The following EEA1 variants were observed in gnomAD, a reference collection of about 807,000 sequenced individuals.
The protein encoded by EEA1 is early endosome antigen 1, 162kD.
EEA1 carries 111 observed loss-of-function variants against 209.2 expected under a neutral mutation model. The ratio of observed to expected loss-of-function variants is 0.53; its 90% CI spans 0.45 to 0.62. The LOEUF (loss-of-function observed/expected upper bound fraction) is 0.62. EEA1 is among the 20% of genes least tolerant of loss of function. The pLI is 0.00. For synonymous variants in EEA1, 536 were observed against 540.6 expected (o/e 0.99, Z 0.12); for missense variants, 1,343 against 1,530.8 (o/e 0.88, Z 2.05).
At chr12:92,910,086 T>C (rs959157042) in intron 1 of EEA1, among the ~76,000 whole-genome samples, 3 of 151,916 alleles carry the variant, frequency 2.0e-5, no homozygotes, top group Admixed American at 6.6e-5. Context: ...GAGGTTGCAG[T>C]GAGCCAAGAT....
intron 27 of EEA1, 25 bp from the exon 28 acceptor site, chr12:92,776,967 T>C (rs1443850955): frequency 1.3e-6 from 2 of 1,597,130 alleles, no homozygotes; most frequent in South Asian, 2.2e-5. Flanking sequence ...AGTATCGATA[T>C]ATTATAGTAT....
Position 92,826,199 on chromosome 12 carries a change from C to A in EEA1, c.1491G>T (p.Gln497His), listed in dbSNP as rs774329777. ...KQQHQEQQAL[Q>H]QSTTAKLREA... ...CTCGAAGTTTTGCCGTGGTGCTTTGCTGAAGAGCCTGTTGTTCTTGATGCT... is the reference window on the plus strand; with the variant it reads ...CTCGAAGTTTTGCCGTGGTGCTTTGATGAAGAGCCTGTTGTTCTTGATGCT... Residue 497 changes from glutamine (Q) to histidine (H), a missense_variant, in exon 13 of 29, where the codon CAG (glutamine) becomes CAT (histidine). By Grantham distance (24) the Gln-to-His change is conservative. Transcript: ENST00000322349. 1 of 1,613,492 alleles carries A rather than the reference C, an allele frequency of 6.2e-7. No homozygotes were observed. The highest frequency in any genetic ancestry group is 1.1e-5 in the South Asian group (1 of 91,068).
rs1413170424 is a variant in EEA1 at position 92,857,256 on chromosome 12, A to T, written c.366+19T>A. 1 of 1,553,796 alleles carries T rather than the reference A, an allele frequency of 6.4e-7. No homozygotes were observed. Among genetic ancestry groups the T allele is most frequent in the East Asian group, 2.3e-5 (1 of 43,912 alleles). Reference sequence around the variant, plus strand: ...ATAAACAACTAATAAACATGCTTTAAGTAGTTAAAAGCAATTACTTGCTGC... The same window carrying T: ...ATAAACAACTAATAAACATGCTTTATGTAGTTAAAAGCAATTACTTGCTGC... On this transcript the variant is annotated intron_variant, in intron 5 of 28. Transcript: ENST00000322349.
intron 1 of EEA1, among the ~76,000 whole-genome samples, chr12:92,911,618 C>T (rs1812328187): frequency 6.6e-6 from 1 of 152,188 alleles, no homozygotes; most frequent in Non-Finnish European, 1.5e-5. Flanking sequence ...GTGAACCCTA[C>T]TGTAAACTGC....
Position 92,776,144 on chromosome 12 carries a change from C to G in EEA1, c.4114-11G>C. 3 of 1,594,456 alleles carry G rather than the reference C, an allele frequency of 1.9e-6. No individual in the cohort carries two copies. The highest frequency in any genetic ancestry group is 2.6e-6 in the Non-Finnish European group (3 of 1,170,268). ...CTGTCGGCAGTGATGCTGTAAATGA[C>G]AAAAATTAAACAATTTCAAGAATAA... On this transcript the variant is annotated splice_polypyrimidine_tract_variant and intron_variant, in intron 28 of 28. Transcript: ENST00000322349.
chr12:92,809,995 G>A (rs1875415544), intron 17 of EEA1, among the ~76,000 whole-genome samples: 1 of 152,128 alleles, frequency 6.6e-6, no homozygotes, highest in African/African-American at 2.4e-5. Context: ...TCTTGGACTA[G>A]ATGACATTGT....
intron 18 of EEA1, 125 bp downstream of exon 18, chr12:92,808,892 C>T: frequency 1.3e-6 from 1 of 767,508 alleles, no homozygotes. Context: ...TTTATAAAAT[C>T]AACACAAAAT....
intron 24 of EEA1, among the ~76,000 whole-genome samples, chr12:92,779,851 C>T (rs1014749931): frequency 1.3e-5 from 2 of 150,562 alleles, no homozygotes; most frequent in African/African-American, 4.9e-5. Flanking sequence ...CAATGGGTAC[C>T]CTATCTATGC....
intron 1 of EEA1, among the ~76,000 whole-genome samples, chr12:92,917,415 C>A (rs1390740620): frequency 3.4e-5 from 5 of 149,116 alleles, no homozygotes; most frequent in African/African-American, 1.2e-4. Flanking sequence ...ACCCTACAAG[C>A]CAGAAGAGAG....
At chr12:92,829,587 T>C (rs960900273) in intron 11 of EEA1, among the ~76,000 whole-genome samples, 2 of 151,944 alleles carry the variant, frequency 1.3e-5, no homozygotes, top group Non-Finnish European at 2.9e-5. Context: ...GAGACCAGCC[T>C]GGGCAACATG....
intron 23 of EEA1, among the ~76,000 whole-genome samples, chr12:92,780,644 T>A (rs1329244895): frequency 6.6e-6 from 1 of 152,164 alleles, no homozygotes; most frequent in Non-Finnish European, 1.5e-5. Flanking sequence ...TGAGATAAAT[T>A]GTACCTGGTC....
intron 1 of EEA1, among the ~76,000 whole-genome samples, chr12:92,915,070 A>G (rs1399507139): frequency 6.6e-6 from 1 of 152,232 alleles, no homozygotes; most frequent in Non-Finnish European, 1.5e-5. Context: ...AATAATAAAT[A>G]TAAAATGTTT....
intron 21 of EEA1, 129 bp from the exon 22 acceptor site, chr12:92,788,178 T>TAC (rs1874225287): frequency 5.1e-6 from 3 of 584,494 alleles, no homozygotes; most frequent in Non-Finnish European, 7.8e-6. Flanking sequence ...CCCAAATTTC[T>TAC]ACCTCAATAG....
rs1019227810 is a variant in EEA1 at position 92,900,064 on chromosome 12, C to CT, written c.25-8344dup. On this transcript the variant is annotated intron_variant, in intron 1 of 28. Coordinates refer to ENST00000322349, the MANE Select transcript of EEA1 (RefSeq NM_003566.4). ...GATTCCTAAAGTCTGTCACTGAGGACTTTTTTTTTAAAACCTACTATGCTG... is the reference window on the plus strand; with the variant it reads ...GATTCCTAAAGTCTGTCACTGAGGACTTTTTTTTTTAAAACCTACTATGCTG... Among the ~76,000 whole-genome samples, 4 of 151,482 alleles carry CT rather than the reference C, an allele frequency of 2.6e-5. No homozygotes were observed. In the East Asian group the frequency reaches 5.8e-4, roughly 22 times the overall value.
At chr12:92,848,676 T>C (rs1386334290) in intron 9 of EEA1, among the ~76,000 whole-genome samples, 4 of 151,654 alleles carry the variant, frequency 2.6e-5, no homozygotes, top group African/African-American at 9.7e-5. Flanking sequence ...CTCCTAAATG[T>C]TACTTAGAAA....
intron 18 of EEA1, among the ~76,000 whole-genome samples, chr12:92,807,008 C>G (rs1875243858): frequency 6.6e-6 from 1 of 151,664 alleles, no homozygotes; most frequent in Non-Finnish European, 1.5e-5. Flanking sequence ...CACTGGAGTG[C>G]AGTGGCATGA....
intron 10 of EEA1, 121 bp downstream of exon 10, chr12:92,842,344 A>T: frequency 1.8e-6 from 1 of 561,024 alleles, no homozygotes; most frequent in Non-Finnish European, 3.1e-6. Context: ...AACATATTAA[A>T]CACTAAAAAA....
chr12:92,811,366 G>A lies in EEA1; in HGVS notation c.2112C>T (p.Cys704=). 13 of 1,606,122 alleles carry A rather than the reference G, an allele frequency of 8.1e-6. No homozygotes were observed. The highest frequency in any genetic ancestry group is 1.0e-5 in the Non-Finnish European group (12 of 1,176,554). The change falls in exon 17 of 29, where the codon TGC becomes TGT. Residue 704 remains cysteine (C), a synonymous_variant. Coordinates refer to ENST00000322349, the MANE Select transcript of EEA1 (RefSeq NM_003566.4). ...TAKLQDKQEH[C]SQLESHLKEY... ...CTTTAAGATGACTTTCCAGCTGACT[G>A]CAATGTTCTTGCTTGTCTTGTAACT...
rs777203104 is a variant in EEA1, at chr12:92,826,152, C to T, written c.1524+14G>A. 1.6e-5 allele frequency: 26 copies of T among 1,611,810 alleles called. No individual in the cohort carries two copies. Among genetic ancestry groups the T allele is most frequent in the Middle Eastern group, 1.7e-4 (1 of 6,044 alleles). ...ATTTGTGTTTACAAGGCTAATAACG[C>T]AACTAATGTTTACCTGAGCTTCTCG... is the stretch of plus-strand genomic sequence containing the variant. On this transcript the variant is annotated intron_variant, in intron 13 of 28. Transcript: ENST00000322349.
Sources: allele counts gnomAD v4.1 joint callset (sites outside exome capture counted in the v4.1 genomes callset), GRCh38; gene constraint gnomAD v4.1.1; transcripts MANE v1.5; gene names NCBI Gene and HGNC (gene_info 2026-07-23, HGNC 2026-07-21).